Variants in ADGRB3 observed in about 807,000 individuals in gnomAD.
ADGRB3 encodes the protein adhesion G protein-coupled receptor B3, also known as brain-specific angiogenesis inhibitor 3.
ADGRB3 carries 37 observed loss-of-function variants against 193.4 expected under a neutral mutation model. That is an observed-to-expected ratio of 0.19 (90% CI 0.15 to 0.25). ADGRB3 has a LOEUF of 0.25. ADGRB3 is among the 10% of genes least tolerant of loss of function. The pLI is 1.00. For synonymous variants in ADGRB3, 690 were observed against 644.2 expected, an observed-to-expected ratio of 1.07 and a Z score of -1.08; for missense variants, 1,637 against 1,852.9, an observed-to-expected ratio of 0.88 and a Z score of 2.14.
chr6:68,755,192 G>A (rs1334886042), intron 3 of ADGRB3, among the ~76,000 whole-genome samples: 1 of 152,144 alleles, frequency 6.6e-6, no homozygotes, highest in African/African-American at 2.4e-5. Flanking sequence ...TTTGAGAAGA[G>A]ATGATTATCT....
At chr6:68,864,339 A>C (rs556250120) in intron 3 of ADGRB3, among the ~76,000 whole-genome samples, 36 of 152,226 alleles carry the variant, frequency 2.4e-4, no homozygotes, top group Non-Finnish European at 4.1e-4. Flanking sequence ...CTCCTGTAAT[A>C]AAGGAACTTT....
chr6:69,251,758 G>T (rs1254191682), intron 20 of ADGRB3, among the ~76,000 whole-genome samples: 1 of 152,044 alleles, frequency 6.6e-6, no homozygotes, highest in Non-Finnish European at 1.5e-5. Context: ...ACCTGACATA[G>T]CTACCCTTTT....
chr6:68,831,909 C>T (rs1444035239), intron 3 of ADGRB3, among the ~76,000 whole-genome samples: 2 of 152,092 alleles, frequency 1.3e-5, no homozygotes, highest in African/African-American at 4.8e-5. Context: ...TAATATGTAA[C>T]TCTTTTGACT....
At chr6:68,818,297 C>A (rs1767675158) in intron 3 of ADGRB3, among the ~76,000 whole-genome samples, 1 of 152,010 alleles carries the variant, frequency 6.6e-6, no homozygotes, top group Non-Finnish European at 1.5e-5. Context: ...CGTCACTATA[C>A]TTTCATAAGG....
chr6:68,787,660 T>G (rs1413300495), intron 3 of ADGRB3, among the ~76,000 whole-genome samples: 1 of 152,230 alleles, frequency 6.6e-6, no homozygotes, highest in African/African-American at 2.4e-5. Context: ...AGGATGATGC[T>G]GGCCTCATAA....
At position 68,635,538 on chromosome 6, in the gene ADGRB3, C is replaced by A; in HGVS notation, c.-650C>A. The A allele has an allele frequency of 6.5e-6, 1 of 153,746 alleles. No individual in the cohort carries two copies. The highest frequency in any genetic ancestry group is 2.0e-4 in the South Asian group (1 of 4,906). The allele number at this position is 153,746 out of a possible 1,614,324, so 9.5% of individuals were successfully genotyped here. A position where few individuals can be genotyped will look rare whatever the true frequency, so the allele number is the denominator to read the frequency against. On this transcript the variant is annotated 5_prime_UTR_variant, in exon 1 of 32. Transcript: ENST00000370598. ...TACTCCTGTAATAAACCCACCGCCC[C>A]AACAAATCTGCCATAGCAGCCGCCG... is the stretch of plus-strand genomic sequence containing the variant.
At chr6:69,257,159 A>G (rs1034671011) in intron 20 of ADGRB3, among the ~76,000 whole-genome samples, 1 of 152,182 alleles carries the variant, frequency 6.6e-6, no homozygotes, top group Admixed American at 6.5e-5. Flanking sequence ...TTGGTCTAAA[A>G]TGCTCTTTTT....
intron 20 of ADGRB3, among the ~76,000 whole-genome samples, chr6:69,268,722 A>C (rs747000291): frequency 7.9e-5 from 12 of 152,166 alleles, no homozygotes; most frequent in Non-Finnish European, 1.3e-4. Flanking sequence ...CTCTTCTGTC[A>C]TTCATGATTA....
chr6:69,092,520 T>C (rs538379014), intron 17 of ADGRB3, among the ~76,000 whole-genome samples: 2 of 152,216 alleles, frequency 1.3e-5, no homozygotes, highest in Admixed American at 1.3e-4. Flanking sequence ...CAAAAAGACT[T>C]TGGAGATTTG....
At chr6:69,311,686 T>A (rs973170468) in intron 20 of ADGRB3, among the ~76,000 whole-genome samples, 1 of 151,660 alleles carries the variant, frequency 6.6e-6, no homozygotes. Flanking sequence ...AACACCCAGT[T>A]TTTCTTCCTT....
intron 17 of ADGRB3, among the ~76,000 whole-genome samples, chr6:69,081,553 T>C (rs1238547100): frequency 2.0e-5 from 3 of 152,042 alleles, no homozygotes; most frequent in Non-Finnish European, 4.4e-5. Flanking sequence ...AACTTTTACT[T>C]TTTGCTTTTC....
At chr6:69,318,437 T>A (rs1329946511) in intron 20 of ADGRB3, among the ~76,000 whole-genome samples, 1 of 151,410 alleles carries the variant, frequency 6.6e-6, no homozygotes, top group Non-Finnish European at 1.5e-5. Context: ...TCTGATTTGA[T>A]ACTGATTTAT....
chr6:68,904,474 C>T (rs549689178), intron 3 of ADGRB3, among the ~76,000 whole-genome samples: 18 of 152,204 alleles, frequency 1.2e-4, no homozygotes, highest in Admixed American at 3.9e-4. Context: ...GCTACAAAGA[C>T]GTAACCAATT....
At chr6:69,256,467 T>A (rs1250271540) in intron 20 of ADGRB3, among the ~76,000 whole-genome samples, 1 of 152,182 alleles carries the variant, frequency 6.6e-6, no homozygotes, top group African/African-American at 2.4e-5. Context: ...TTGAAGCAAT[T>A]GTGAATGGGC....
intron 3 of ADGRB3, among the ~76,000 whole-genome samples, chr6:68,854,629 G>A (rs760110491): frequency 3.3e-5 from 5 of 151,928 alleles, no homozygotes; most frequent in Admixed American, 6.6e-5. Context: ...CCTCATCTTA[G>A]CAAAGGGTTT....
intron 3 of ADGRB3, among the ~76,000 whole-genome samples, chr6:68,682,711 C>T (rs185365131): frequency 3.3e-5 from 5 of 152,094 alleles, no homozygotes; most frequent in Non-Finnish European, 5.9e-5. Context: ...GTATAACAAA[C>T]ACCACAAATA....
intron 17 of ADGRB3, among the ~76,000 whole-genome samples, chr6:69,182,289 A>G (rs1387517567): frequency 6.6e-6 from 1 of 152,142 alleles, no homozygotes; most frequent in African/African-American, 2.4e-5. Context: ...GTAGAGTTAC[A>G]TAAACAAAAT....
At chr6:68,819,659 T>A (rs908697384) in intron 3 of ADGRB3, among the ~76,000 whole-genome samples, 1 of 152,088 alleles carries the variant, frequency 6.6e-6, no homozygotes, top group Non-Finnish European at 1.5e-5. Flanking sequence ...AAACTTACTA[T>A]TTCCCCATGG....
intron 3 of ADGRB3, among the ~76,000 whole-genome samples, chr6:68,812,816 C>T (rs952241336): frequency 2.0e-5 from 3 of 151,540 alleles, no homozygotes; most frequent in African/African-American, 7.3e-5. Context: ...TAATGCTATC[C>T]CTCCCCTAGC....
Sources: gnomAD v4.1 joint callset for allele counts (sites outside exome capture counted in the v4.1 genomes callset) on GRCh38, gnomAD v4.1.1 for gene constraint, MANE v1.5 for transcripts, NCBI Gene and HGNC (gene_info 2026-07-23, HGNC 2026-07-21) for gene names.